The following PHKB variants were observed in gnomAD, a reference collection of about 807,000 sequenced individuals.
PHKB encodes the protein phosphorylase kinase regulatory subunit beta.
Under a neutral mutation model 152.1 loss-of-function variants are expected in PHKB, and 122 were observed. The observed-to-expected ratio is 0.80, with a 90% CI of 0.69 to 0.93. PHKB has a LOEUF of 0.93. Ranked by LOEUF, PHKB falls within the 40% of genes least tolerant of loss-of-function variation. PHKB has a pLI of 0.00. For missense variants in PHKB, 1,304 were observed against 1,328.4 expected, an observed-to-expected ratio of 0.98 and a Z score of 0.29; for synonymous variants, 436 against 464.9, an observed-to-expected ratio of 0.94 and a Z score of 0.80.
At chr16:47,663,785 C>T (rs376412229) in intron 24 of PHKB, 51 bp downstream of exon 24, 15 of 1,049,314 alleles carry the variant, frequency 1.4e-5, no homozygotes, top group African/African-American at 9.4e-5. Flanking sequence ...TTGTTATATT[C>T]GATAGCCTAA....
At chr16:47,633,340 C>T (rs1022079887) in intron 14 of PHKB, among the ~76,000 whole-genome samples, 1 of 152,090 alleles carries the variant, frequency 6.6e-6, no homozygotes, top group Non-Finnish European at 1.5e-5. Flanking sequence ...TCCTCCAAAC[C>T]GTCAAATGAA....
intron 4 of PHKB, among the ~76,000 whole-genome samples, chr16:47,505,062 G>C (rs888598486): frequency 2.0e-5 from 3 of 152,190 alleles, no homozygotes; most frequent in African/African-American, 7.2e-5. Flanking sequence ...TCTAGTGTCT[G>C]GTTCCCTCCA....
intron 7 of PHKB, chr16:47,566,135 A>G (rs1971561687): frequency 1.2e-5 from 8 of 654,072 alleles, no homozygotes; most frequent in South Asian, 1.2e-4. Context: ...CTTGGTCATC[A>G]TAGCGATCCC....
intron 7 of PHKB, chr16:47,547,839 A>G (rs2151672726): frequency 2.8e-6 from 1 of 359,354 alleles, no homozygotes; most frequent in South Asian, 2.6e-5. Context: ...CTGCTCAACC[A>G]AGTCATTTTC....
At chr16:47,669,544 T>C in intron 26 of PHKB, 127 bp downstream of exon 26, 5 of 814,300 alleles carry the variant, frequency 6.1e-6, no homozygotes, top group Admixed American at 1.9e-5. Flanking sequence ...ACCTGTCCTC[T>C]AAGCCATGCA....
At chr16:47,679,441 T>C (rs1973804474) in intron 26 of PHKB, among the ~76,000 whole-genome samples, 1 of 152,198 alleles carries the variant, frequency 6.6e-6, no homozygotes, top group South Asian at 2.1e-4. Context: ...CCTCTTTTAT[T>C]TCATTGAGCA....
intron 24 of PHKB, chr16:47,664,505 G>T: frequency 9.5e-6 from 2 of 210,746 alleles, no homozygotes; most frequent in Non-Finnish European, 9.6e-6. Context: ...CCTAAAATAA[G>T]GGGATTAAAC....
At chr16:47,549,166 G>GA (rs1199609586) in intron 7 of PHKB, among the ~76,000 whole-genome samples, 2 of 152,148 alleles carry the variant, frequency 1.3e-5, no homozygotes, top group Non-Finnish European at 1.5e-5. Flanking sequence ...AAATTAAATA[G>GA]ATGATGTTAT....
At chr16:47,598,633 A>G in intron 13 of PHKB, 1 of 1,394,274 alleles carries the variant, frequency 7.2e-7, no homozygotes, top group Non-Finnish European at 1.0e-6. Flanking sequence ...TCCCATCAAC[A>G]CACCAAAGTC....
chr16:47,592,249 A>G (rs917324929), intron 10 of PHKB, among the ~76,000 whole-genome samples: 2 of 152,186 alleles, frequency 1.3e-5, no homozygotes, highest in Admixed American at 1.3e-4. Context: ...CAGTCTAGCA[A>G]GTAAATATAA....
At chr16:47,639,619 A>G (rs915129809) in intron 14 of PHKB, among the ~76,000 whole-genome samples, 1 of 152,232 alleles carries the variant, frequency 6.6e-6, no homozygotes, top group Non-Finnish European at 1.5e-5. Flanking sequence ...GTACTCTGTC[A>G]TACAAGTGGA....
intron 14 of PHKB, among the ~76,000 whole-genome samples, chr16:47,624,704 G>T (rs980122397): frequency 6.6e-6 from 1 of 151,896 alleles, no homozygotes. Context: ...TAAGTGCTCC[G>T]CAGCTATTCA....
chr16:47,472,443 A>G (rs1321139679), intron 1 of PHKB, among the ~76,000 whole-genome samples: 2 of 152,182 alleles, frequency 1.3e-5, no homozygotes, highest in Non-Finnish European at 2.9e-5. Context: ...CTTGAGCCCA[A>G]TTTGAGACTA....
In PHKB at chr16:47,598,531, C is replaced by T. The variant is rs1301822379; in HGVS notation, c.1363+2000C>T. Reference sequence around the variant, plus strand: ...CCATAATCACCAATTTTAACACTCTCCTACATATTTTCTATATCACTTTTC... The same window carrying T: ...CCATAATCACCAATTTTAACACTCTTCTACATATTTTCTATATCACTTTTC... On this transcript the variant is annotated intron_variant, in intron 13 of 30. Coordinates refer to ENST00000323584, the MANE Select transcript of PHKB (RefSeq NM_000293.3). 5 of 634,130 alleles carry T rather than the reference C, an allele frequency of 7.9e-6. No individual in the cohort carries two copies. The Admixed American group carries it at 8.9e-5, about 11-fold the overall frequency. 39.3% of individuals were successfully genotyped at this position (634,130 alleles called of 1,614,324 possible).
At chr16:47,603,528 G>C (rs1270319340) in intron 13 of PHKB, among the ~76,000 whole-genome samples, 4 of 148,728 alleles carry the variant, frequency 2.7e-5, no homozygotes, top group Admixed American at 6.7e-5. Context: ...TTTGGAGATG[G>C]AGTCTCGCTG....
intron 7 of PHKB, among the ~76,000 whole-genome samples, chr16:47,555,512 C>A (rs1971353444): frequency 6.6e-6 from 1 of 151,924 alleles, no homozygotes; most frequent in African/African-American, 2.4e-5. Flanking sequence ...TAGCTCTCTT[C>A]AGTGAATATT....
At chr16:47,566,245 C>T (rs1971564173) in intron 7 of PHKB, 1 of 833,300 alleles carries the variant, frequency 1.2e-6, no homozygotes, top group Non-Finnish European at 2.1e-6. Context: ...CCAAAGCTAT[C>T]ATCACCTCTT....
At chr16:47,553,107 G>T (rs536546993) in intron 7 of PHKB, among the ~76,000 whole-genome samples, 1 of 152,136 alleles carries the variant, frequency 6.6e-6, no homozygotes, top group South Asian at 2.1e-4. Context: ...AAGTTCTCCT[G>T]GATAATATCT....
chr16:47,529,771 G>A (rs1180121456), intron 6 of PHKB: 2 of 152,148 alleles, frequency 1.3e-5, no homozygotes, highest in Admixed American at 1.3e-4. Flanking sequence ...TTAAAAATCA[G>A]GGTTTTATTA....
Sources: gnomAD v4.1 joint callset for allele counts (sites outside exome capture counted in the v4.1 genomes callset) on GRCh38, gnomAD v4.1.1 for gene constraint, MANE v1.5 for transcripts, NCBI Gene and HGNC (gene_info 2026-07-23, HGNC 2026-07-21) for gene names.